The following KIF16B variants were observed in gnomAD, a reference collection of about 807,000 sequenced individuals.
KIF16B encodes kinesin family member 16B, also known as kinesin-like protein KIF16B.
A neutral mutation model predicts 156.3 loss-of-function variants in KIF16B; 98 were observed. The observed-to-expected ratio is 0.63, with a 90% CI of 0.53 to 0.74. The LOEUF (loss-of-function observed/expected upper bound fraction) is 0.74, where lower values mean the gene tolerates loss of function less well. Ranked by LOEUF, KIF16B falls within the 30% of genes least tolerant of loss-of-function variation. KIF16B has a pLI of 0.00. For missense variants in KIF16B, 1,421 were observed against 1,606.5 expected (o/e 0.88, Z 1.97); for synonymous variants, 564 against 583.7 (o/e 0.97, Z 0.49).
chr20:16,333,054 G>T (rs1032887394), intron 24 of KIF16B, among the ~76,000 whole-genome samples: 3 of 152,166 alleles, frequency 2.0e-5, no homozygotes, highest in Non-Finnish European at 4.4e-5. Context: ...CCATGCACTA[G>T]GAATACAGTT....
intron 17 of KIF16B, among the ~76,000 whole-genome samples, chr20:16,401,293 C>G (rs2065650948): frequency 6.6e-6 from 1 of 152,134 alleles, no homozygotes; most frequent in African/African-American, 2.4e-5. Flanking sequence ...TTCTTCATTT[C>G]AAGATGAGGC....
intron 17 of KIF16B, among the ~76,000 whole-genome samples, chr20:16,399,199 G>A (rs1216218980): frequency 6.6e-6 from 1 of 152,108 alleles, no homozygotes; most frequent in East Asian, 1.9e-4. Flanking sequence ...GAAGCTACAA[G>A]ACTGCTCACA....
At chr20:16,536,365 AGAAGTAGGTT>A (rs1158411551) in intron 1 of KIF16B, among the ~76,000 whole-genome samples, 1 of 152,144 alleles carries the variant, frequency 6.6e-6, no homozygotes, top group Non-Finnish European at 1.5e-5. Context: ...GGGAGTGAAG[AGAAGTAGGTT>A]AATGGGTACA....
intron 15 of KIF16B, among the ~76,000 whole-genome samples, chr20:16,411,346 C>T (rs1433608366): frequency 6.6e-6 from 1 of 152,056 alleles, no homozygotes; most frequent in Non-Finnish European, 1.5e-5. Flanking sequence ...GAGCATAGAA[C>T]TTAGCCTTCT....
intron 1 of KIF16B, 65 bp downstream of exon 1, chr20:16,573,164 C>T (rs2071518075): frequency 1.4e-6 from 2 of 1,460,806 alleles, no homozygotes; most frequent in Admixed American, 2.0e-5. Context: ...TTTGGGGGAG[C>T]TGGAAACAGG....
At chr20:16,551,242 T>C (rs940677919) in intron 1 of KIF16B, among the ~76,000 whole-genome samples, 4 of 151,716 alleles carry the variant, frequency 2.6e-5, no homozygotes, top group African/African-American at 9.7e-5. Context: ...GCAATTCTCC[T>C]GCCTCAGCCT....
At chr20:16,296,245 T>C (rs529718625) in intron 25 of KIF16B, among the ~76,000 whole-genome samples, 1 of 152,332 alleles carries the variant, frequency 6.6e-6, no homozygotes, top group Non-Finnish European at 1.5e-5. Context: ...AGTGAGTTTA[T>C]GCAGGATGCT....
Position 16,371,735 on chromosome 20 carries a change from ACTT to A in KIF16B, c.3374_3376del (p.Glu1125del), listed in dbSNP as rs367836942. On this transcript the variant is annotated inframe_deletion, in exon 21 of 26. Coordinates refer to ENST00000354981, the MANE Select transcript of KIF16B (RefSeq NM_024704.5). ...ATGCAAATCCTGAAGGCGTCTTTGG[ACTT>A]CTTCTTCAATGTAAGCATTGATCCT... The A allele has an allele frequency of 1.2e-4, 192 of 1,613,522 alleles. No individual in the cohort carries two copies. Among genetic ancestry groups the A allele is most frequent in the Non-Finnish European group, 1.4e-4 (168 of 1,179,692 alleles).
At chr20:16,406,289 CAAA>C in intron 16 of KIF16B, 82 bp downstream of exon 16, 1 of 1,176,612 alleles carries the variant, frequency 8.5e-7, no homozygotes, top group Non-Finnish European at 1.3e-6. Context: ...CCCAGAAAGT[CAAA>C]AGATTGGAAC....
chr20:16,402,679 G>A (rs2065685024), intron 17 of KIF16B, among the ~76,000 whole-genome samples: 2 of 152,278 alleles, frequency 1.3e-5, no homozygotes, highest in South Asian at 4.1e-4. Context: ...ACATGTGACT[G>A]AGCAATAAAA....
At chr20:16,564,997 T>C (rs983958887) in intron 1 of KIF16B, among the ~76,000 whole-genome samples, 3 of 151,686 alleles carry the variant, frequency 2.0e-5, no homozygotes, top group Non-Finnish European at 4.4e-5. Context: ...CCCTTCTCTC[T>C]CCAACTTGAT....
intron 15 of KIF16B, among the ~76,000 whole-genome samples, chr20:16,424,054 C>T (rs2066291691): frequency 6.6e-6 from 1 of 152,044 alleles, no homozygotes; most frequent in African/African-American, 2.4e-5. Context: ...ATAACCTGCC[C>T]CTCCATTCTA....
chr20:16,312,039 C>T (rs2063626709), intron 25 of KIF16B, among the ~76,000 whole-genome samples: 1 of 152,118 alleles, frequency 6.6e-6, no homozygotes, highest in Admixed American at 6.5e-5. Context: ...TATCACATAC[C>T]ATCTGTCTAT....
chr20:16,372,773 C>T (rs2064853622), intron 20 of KIF16B, among the ~76,000 whole-genome samples: 1 of 152,226 alleles, frequency 6.6e-6, no homozygotes, highest in Non-Finnish European at 1.5e-5. Context: ...TCTTGGCTCA[C>T]TGCAACCTCC....
intron 25 of KIF16B, among the ~76,000 whole-genome samples, chr20:16,310,887 GGT>G (rs1444909470): frequency 6.6e-6 from 1 of 152,110 alleles, no homozygotes; most frequent in African/African-American, 2.4e-5. Context: ...TTCTCAGAGT[GGT>G]TCTATATTCA....
chr20:16,331,340 C>G (rs1029716805), intron 24 of KIF16B, among the ~76,000 whole-genome samples: 1 of 152,134 alleles, frequency 6.6e-6, no homozygotes, highest in Non-Finnish European at 1.5e-5. Context: ...CAGGAGACCA[C>G]GGCTAAACTC....
chr20:16,483,694 G>A (rs2068039516), intron 12 of KIF16B, among the ~76,000 whole-genome samples: 1 of 152,160 alleles, frequency 6.6e-6, no homozygotes, highest in South Asian at 2.1e-4. Context: ...GAAACAGAAA[G>A]TGAGTGGTGA....
intron 1 of KIF16B, among the ~76,000 whole-genome samples, chr20:16,571,904 C>T (rs890467537): frequency 1.3e-5 from 2 of 152,198 alleles, no homozygotes; most frequent in African/African-American, 2.4e-5. Context: ...GGCTCCCAGG[C>T]ATGAGCCACC....
chr20:16,490,047 C>T (rs1188785402), intron 12 of KIF16B, among the ~76,000 whole-genome samples: 1 of 152,160 alleles, frequency 6.6e-6, no homozygotes, highest in African/African-American at 2.4e-5. Context: ...CCCTGTCACT[C>T]TGCCCACTAG....
Sources: gnomAD v4.1 joint callset for allele counts (sites outside exome capture counted in the v4.1 genomes callset) on GRCh38, gnomAD v4.1.1 for gene constraint, MANE v1.5 for transcripts, NCBI Gene and HGNC (gene_info 2026-07-23, HGNC 2026-07-21) for gene names.